Variants in AGBL1 observed in about 807,000 individuals in gnomAD.
The protein encoded by AGBL1 is AGBL carboxypeptidase 1.
Under a neutral mutation model 118.9 loss-of-function variants are expected in AGBL1, and 130 were observed. That is an observed-to-expected ratio of 1.09 (90% CI 0.95 to 1.26). The LOEUF is 1.26. Among genes scored for constraint, AGBL1 ranks in the 50% most tolerant of loss-of-function variants. The probability of loss-of-function intolerance (pLI) is 0.00; values close to 1 mark genes in which losing one functional copy is unlikely to be tolerated. For synonymous variants in AGBL1, 555 were observed against 478.9 expected (o/e 1.16, Z -2.08); for missense variants, 1,584 against 1,298.1 (o/e 1.22, Z -3.38).
chr15:86,999,547 G>C (rs1243399473), intron 24 of AGBL1, among the ~76,000 whole-genome samples: 1 of 147,994 alleles, frequency 6.8e-6, no homozygotes, highest in Admixed American at 6.7e-5. Context: ...CCCTACAAAG[G>C]ACATGAACTC....
chr15:86,188,715 G>A (rs888640054), intron 5 of AGBL1, among the ~76,000 whole-genome samples: 4 of 152,246 alleles, frequency 2.6e-5, no homozygotes, highest in Non-Finnish European at 5.9e-5. Context: ...ATAAAAATGG[G>A]AAGTGATAGC....
At chr15:86,975,571 A>G (rs926183113) in intron 23 of AGBL1, among the ~76,000 whole-genome samples, 2 of 152,058 alleles carry the variant, frequency 1.3e-5, no homozygotes, top group African/African-American at 4.8e-5. Context: ...CCTGTCTCCA[A>G]AAATTCCCAT....
At chr15:86,478,311 A>T (rs943789898) in intron 18 of AGBL1, among the ~76,000 whole-genome samples, 1 of 152,238 alleles carries the variant, frequency 6.6e-6, no homozygotes, top group African/African-American at 2.4e-5. Flanking sequence ...TGCAGATGAC[A>T]TGATTGTATA....
intron 21 of AGBL1, among the ~76,000 whole-genome samples, chr15:86,616,567 TG>T (rs1309868799): frequency 2.6e-5 from 4 of 152,182 alleles, no homozygotes; most frequent in Non-Finnish European, 5.9e-5. Context: ...TGTCTGATTT[TG>T]TTATTGATTT....
At chr15:86,442,221 G>A (rs1366455787) in intron 18 of AGBL1, among the ~76,000 whole-genome samples, 1 of 152,136 alleles carries the variant, frequency 6.6e-6, no homozygotes, top group Non-Finnish European at 1.5e-5. Context: ...AAAAATCCCT[G>A]GCTTTGAATC....
At chr15:86,239,267 C>T (rs1222923749) in intron 6 of AGBL1, among the ~76,000 whole-genome samples, 2 of 152,076 alleles carry the variant, frequency 1.3e-5, no homozygotes, top group Non-Finnish European at 1.5e-5. Flanking sequence ...TTGCTTGAAA[C>T]CAAAATTTAC....
At chr15:86,928,279 G>C (rs2080566916) in intron 23 of AGBL1, among the ~76,000 whole-genome samples, 1 of 152,134 alleles carries the variant, frequency 6.6e-6, no homozygotes, top group Non-Finnish European at 1.5e-5. Context: ...GAACAGAATG[G>C]ACCAACCAGG....
chr15:86,476,651 T>G (rs1290143170), intron 18 of AGBL1, among the ~76,000 whole-genome samples: 3 of 152,178 alleles, frequency 2.0e-5, no homozygotes, highest in African/African-American at 7.2e-5. Flanking sequence ...AACACCCTAC[T>G]GTCAACATGA....
At chr15:86,673,817 T>C (rs1015459548) in intron 21 of AGBL1, among the ~76,000 whole-genome samples, 6 of 152,206 alleles carry the variant, frequency 3.9e-5, no homozygotes, top group Non-Finnish European at 7.3e-5. Context: ...TCAGTATTTA[T>C]ATATGAAATA....
chr15:86,661,166 T>C (rs2085531337), intron 21 of AGBL1, among the ~76,000 whole-genome samples: 1 of 152,136 alleles, frequency 6.6e-6, no homozygotes, highest in African/African-American at 2.4e-5. Flanking sequence ...TCAAGGCAAA[T>C]CCTATTTTAG....
intron 16 of AGBL1, among the ~76,000 whole-genome samples, chr15:86,287,719 A>T (rs2079477056): frequency 6.6e-6 from 1 of 152,200 alleles, no homozygotes; most frequent in African/African-American, 2.4e-5. Flanking sequence ...CCATGTGGTC[A>T]TAATAAAATG....
At chr15:86,216,521 T>C (rs899617765) in intron 5 of AGBL1, among the ~76,000 whole-genome samples, 1 of 152,188 alleles carries the variant, frequency 6.6e-6, no homozygotes, top group Admixed American at 6.5e-5. Flanking sequence ...GATGATCAGG[T>C]ATTTTCAAAT....
intron 17 of AGBL1, among the ~76,000 whole-genome samples, chr15:86,321,696 G>A (rs765037488): frequency 6.6e-6 from 1 of 151,580 alleles, no homozygotes; most frequent in Non-Finnish European, 1.5e-5. Flanking sequence ...AGAATTGCTT[G>A]AACTTAGGAG....
intron 5 of AGBL1, among the ~76,000 whole-genome samples, chr15:86,211,680 G>C (rs1346001956): frequency 6.6e-6 from 1 of 152,204 alleles, no homozygotes; most frequent in South Asian, 2.1e-4. Flanking sequence ...TGTGCCATTT[G>C]CTAAGAACAT....
chr15:87,012,651 A>C (rs1347234), intron 24 of AGBL1, among the ~76,000 whole-genome samples: 80,330 of 151,792 alleles, frequency 0.53, 24,047 homozygotes, highest in South Asian at 0.72. Context: ...TGTTAAATGG[A>C]GGAGGAGCCA....
At chr15:86,340,626 G>A (rs1016154104) in intron 17 of AGBL1, among the ~76,000 whole-genome samples, 32 of 152,114 alleles carry the variant, frequency 2.1e-4, no homozygotes, top group East Asian at 1.2e-3. Context: ...TTTGATTTCT[G>A]GCCTCCAGAA....
intron 21 of AGBL1, among the ~76,000 whole-genome samples, chr15:86,637,135 T>A (rs1158283238): frequency 6.6e-6 from 1 of 152,076 alleles, no homozygotes; most frequent in Non-Finnish European, 1.5e-5. Flanking sequence ...CCTGCCCTCA[T>A]AGAGTTTGTA....
At chr15:86,399,041 A>G (rs1326217112) in intron 18 of AGBL1, among the ~76,000 whole-genome samples, 2 of 152,096 alleles carry the variant, frequency 1.3e-5, no homozygotes, top group Non-Finnish European at 2.9e-5. Flanking sequence ...AATGTTGGGC[A>G]GAGAGCAGGG....
chr15:86,476,612 A>T (rs1175883061), intron 18 of AGBL1, among the ~76,000 whole-genome samples: 2 of 152,184 alleles, frequency 1.3e-5, no homozygotes, highest in Non-Finnish European at 2.9e-5. Flanking sequence ...AGAGACTTAG[A>T]CTCCCACACA....
Sources: gnomAD v4.1 joint callset for allele counts (sites outside exome capture counted in the v4.1 genomes callset) on GRCh38, gnomAD v4.1.1 for gene constraint, MANE v1.5 for transcripts, NCBI Gene and HGNC (gene_info 2026-07-23, HGNC 2026-07-21) for gene names.